The following IFT81 variants were observed in gnomAD, a reference collection of about 807,000 sequenced individuals.
The protein encoded by IFT81 is intraflagellar transport 81.
IFT81 carries 72 observed loss-of-function variants against 102.6 expected under a neutral mutation model. The ratio of observed to expected loss-of-function variants is 0.70; its 90% CI spans 0.58 to 0.85. The LOEUF (loss-of-function observed/expected upper bound fraction) is 0.85. IFT81 is among the 40% of genes least tolerant of loss of function. The probability of loss-of-function intolerance (pLI) is 0.00; values close to 1 mark genes in which losing one functional copy is unlikely to be tolerated. For synonymous variants in IFT81, 237 were observed against 242.7 expected (o/e 0.98, Z 0.22); for missense variants, 723 against 787.3 (o/e 0.92, Z 0.98).
Position 110,128,126 on chromosome 12 carries a change from A to T in IFT81, c.225A>T (p.Lys75Asn). ...MLSLLGILKY[K>N]PSGNATDMST... ...GCCTTCTTGGTATTCTTAAGTACAA[A>T]CCTTCAGGAAATGCCACAGATATGT... The change falls in exon 3 of 19, where the codon AAA (lysine) becomes AAT (asparagine). Residue 75 changes from lysine to asparagine, a missense_variant. By Grantham distance (94) the Lys-to-Asn change is moderately conservative. Transcript: ENST00000242591. 1 of 1,611,414 alleles carries T rather than the reference A, an allele frequency of 6.2e-7. No individual in the cohort carries two copies.
intron 12 of IFT81, among the ~76,000 whole-genome samples, chr12:110,187,669 C>G (rs539932862): frequency 6.6e-6 from 1 of 152,208 alleles, no homozygotes; most frequent in South Asian, 2.1e-4. Context: ...ATTTTAGAAG[C>G]TCTGACTATA....
chr12:110,201,269 G>C (rs898462281), intron 14 of IFT81, among the ~76,000 whole-genome samples: 2 of 151,618 alleles, frequency 1.3e-5, no homozygotes, highest in Non-Finnish European at 2.9e-5. Flanking sequence ...GGTCATGGTG[G>C]CACATGTCTG....
intron 8 of IFT81, among the ~76,000 whole-genome samples, chr12:110,140,812 C>G (rs1363452908): frequency 1.3e-5 from 2 of 152,162 alleles, no homozygotes; most frequent in Non-Finnish European, 2.9e-5. Flanking sequence ...CAACCTCCGC[C>G]TCCCAGGTTC....
chr12:110,157,906 C>A (rs1324727220), intron 10 of IFT81, among the ~76,000 whole-genome samples: 1 of 151,964 alleles, frequency 6.6e-6, no homozygotes, highest in Non-Finnish European at 1.5e-5. Flanking sequence ...ATTGGCATTT[C>A]TATTTTGTTA....
chr12:110,142,418 C>T (rs180767404), intron 8 of IFT81, among the ~76,000 whole-genome samples: 47 of 152,230 alleles, frequency 3.1e-4, no homozygotes, highest in Non-Finnish European at 2.1e-4. Flanking sequence ...CCACCCACCT[C>T]GGCCTCCCAA....
chr12:110,132,701 A>T, intron 5 of IFT81, 65 bp downstream of exon 5: 1 of 837,448 alleles, frequency 1.2e-6, no homozygotes, highest in South Asian at 1.5e-5. Flanking sequence ...TTAGCATTTT[A>T]TTAATTCAGT....
At chr12:110,147,583 G>A (rs1387742603) in intron 10 of IFT81, among the ~76,000 whole-genome samples, 2 of 152,136 alleles carry the variant, frequency 1.3e-5, no homozygotes, top group Non-Finnish European at 2.9e-5. Context: ...CAAGGCAGGA[G>A]GATTTTAGTG....
intron 9 of IFT81, among the ~76,000 whole-genome samples, chr12:110,144,007 C>CTT (rs536525073): frequency 0.036 from 4,420 of 123,074 alleles, 392 homozygotes; most frequent in African/African-American, 0.13. Flanking sequence ...CAGGTTATAC[C>CTT]TTTTTTTTTT....
At chr12:110,157,086 A>G (rs1895884278) in intron 10 of IFT81, among the ~76,000 whole-genome samples, 1 of 151,432 alleles carries the variant, frequency 6.6e-6, no homozygotes, top group Non-Finnish European at 1.5e-5. Context: ...ACGGTGGCTC[A>G]TGCCTGTAAT....
At chr12:110,133,193 ACCT>A (rs1894279049) in intron 5 of IFT81, among the ~76,000 whole-genome samples, 1 of 150,882 alleles carries the variant, frequency 6.6e-6, no homozygotes, top group African/African-American at 2.4e-5. Context: ...GTTGGTCTTG[ACCT>A]CCTGGGCTCA....
chr12:110,169,518 G>A (rs1048455089), intron 11 of IFT81, among the ~76,000 whole-genome samples: 1 of 152,110 alleles, frequency 6.6e-6, no homozygotes, highest in African/African-American at 2.4e-5. Flanking sequence ...TGATTAGAAT[G>A]AAATATTTGA....
At chr12:110,182,282 C>T (rs547198292) in intron 12 of IFT81, among the ~76,000 whole-genome samples, 2 of 152,100 alleles carry the variant, frequency 1.3e-5, no homozygotes, top group African/African-American at 2.4e-5. Context: ...TCTAGTTGGT[C>T]GCAATTTCTA....
intron 5 of IFT81, among the ~76,000 whole-genome samples, chr12:110,133,021 A>G (rs1349991679): frequency 7.1e-6 from 1 of 140,096 alleles, no homozygotes; most frequent in Non-Finnish European, 1.5e-5. Context: ...TTCAGACTGG[A>G]GTACAGTGGT....
chr12:110,145,935 G>A (rs1895202377), intron 9 of IFT81, among the ~76,000 whole-genome samples: 1 of 151,390 alleles, frequency 6.6e-6, no homozygotes, highest in East Asian at 2.0e-4. Flanking sequence ...CTCAGCCCCT[G>A]GAGTAGCCAG....
intron 15 of IFT81, chr12:110,204,250 A>T: frequency 3.6e-6 from 1 of 280,686 alleles, no homozygotes; most frequent in East Asian, 8.3e-5. Context: ...TTTAATTTGT[A>T]CACACTTAAT....
chr12:110,199,399 A>T (rs762978798), intron 14 of IFT81, among the ~76,000 whole-genome samples: 2 of 152,190 alleles, frequency 1.3e-5, no homozygotes, highest in African/African-American at 2.4e-5. Context: ...AAATATCACA[A>T]ACTTGGAGCT....
chr12:110,217,484 A>G (rs1870283426), intron 18 of IFT81, among the ~76,000 whole-genome samples: 2 of 152,254 alleles, frequency 1.3e-5, no homozygotes, highest in South Asian at 2.1e-4. Context: ...ACACCATGAT[A>G]CTGTTCCACT....
chr12:110,205,650 C>T lies in IFT81; in HGVS notation c.1772C>T (p.Ser591Phe). The T allele has an allele frequency of 1.9e-6, 3 of 1,594,448 alleles. No individual in the cohort carries two copies. Among genetic ancestry groups the T allele is most frequent in the Non-Finnish European group, 2.6e-6 (3 of 1,173,612 alleles). The change falls in exon 17 of 19, where the codon TCT (serine) becomes TTT (phenylalanine). Residue 591 changes from serine to phenylalanine, a missense_variant. Coordinates refer to ENST00000242591, the MANE Select transcript of IFT81 (RefSeq NM_014055.4). ...GATGAGATGAAGGCATATATCTCTT[C>T]TGATCAACAAGAAAAAAGAAAGGCA... is the stretch of plus-strand genomic sequence containing the variant. ...ATDEMKAYIS[S>F]DQQEKRKAIR...
Position 110,218,453 on chromosome 12 carries a change from T to G in IFT81, c.*227T>G. 2.9e-6 allele frequency: 1 copy of G among 347,566 alleles called. No individual in the cohort carries two copies. Among genetic ancestry groups the G allele is most frequent in the Non-Finnish European group, 5.1e-6 (1 of 195,136 alleles). The allele number at this position is 347,566 out of a possible 1,614,324, so 21.5% of individuals were successfully genotyped here. The stretch of plus-strand genomic sequence containing the variant: ...CCATAGTTTAGACATCACTGGCGTC[T>G]TCTGAGTTTTATGAGACAGGAAACT... On this transcript the variant is annotated 3_prime_UTR_variant, in exon 19 of 19. Transcript: ENST00000242591.
Sources: allele counts gnomAD v4.1 joint callset (sites outside exome capture counted in the v4.1 genomes callset), GRCh38; gene constraint gnomAD v4.1.1; transcripts MANE v1.5; gene names NCBI Gene and HGNC (gene_info 2026-07-23, HGNC 2026-07-21).